Variants in METTL15 observed in about 807,000 individuals in gnomAD.
The protein encoded by METTL15 is 12S rRNA N(4)-cytidine methyltransferase METTL15.
In METTL15, 34 loss-of-function variants were observed where a neutral mutation model predicts 38.3. That is an observed-to-expected ratio of 0.89 (90% CI 0.68 to 1.18). The LOEUF (loss-of-function observed/expected upper bound fraction) is 1.18. Among genes scored for constraint, METTL15 ranks in the 50% most tolerant of loss-of-function variants. The pLI, the probability that METTL15 is intolerant of heterozygous loss-of-function variation, is 0.00. For missense variants in METTL15, 438 were observed against 498.4 expected, an observed-to-expected ratio of 0.88 and a Z score of 1.15; for synonymous variants, 162 against 170.9, an observed-to-expected ratio of 0.95 and a Z score of 0.41.
chr11:28,311,161 TA>T (rs1188873872), intron 6 of METTL15, among the ~76,000 whole-genome samples: 1 of 152,266 alleles, frequency 6.6e-6, no homozygotes, highest in East Asian at 1.9e-4. Flanking sequence ...GAGCAGCAAT[TA>T]AATCATTGTT....
At chr11:28,237,272 C>G (rs1398016521) in intron 4 of METTL15, among the ~76,000 whole-genome samples, 3 of 152,134 alleles carry the variant, frequency 2.0e-5, no homozygotes, top group Non-Finnish European at 4.4e-5. Flanking sequence ...TTCACATAGT[C>G]CCATATTTCT....
At chr11:28,460,287 A>G (rs10835341) in intron 6 of METTL15, among the ~76,000 whole-genome samples, 64,291 of 151,650 alleles carry the variant, frequency 0.42, 14,995 homozygotes, top group Admixed American at 0.54. Context: ...ACCAATATCT[A>G]TTTCTACCTA....
chr11:28,131,282 A>G (rs1296964741), intron 3 of METTL15, among the ~76,000 whole-genome samples: 1 of 152,186 alleles, frequency 6.6e-6, no homozygotes, highest in East Asian at 1.9e-4. Context: ...TAAAATTGCC[A>G]TGAGGCAAGG....
chr11:28,256,438 A>G (rs554705327), intron 4 of METTL15, among the ~76,000 whole-genome samples: 16 of 152,202 alleles, frequency 1.1e-4, no homozygotes, highest in African/African-American at 3.6e-4. Flanking sequence ...TTGGTAGGTT[A>G]TATGCATCTA....
intron 5 of METTL15, among the ~76,000 whole-genome samples, 178 bp from the exon 6 acceptor site, chr11:28,296,575 T>G (rs1423570870): frequency 6.6e-6 from 1 of 152,236 alleles, no homozygotes; most frequent in Non-Finnish European, 1.5e-5. Flanking sequence ...GCCATAATGA[T>G]GGGTAGTTGA....
chr11:28,321,273 T>A (rs1849457401), intron 6 of METTL15, among the ~76,000 whole-genome samples: 1 of 152,174 alleles, frequency 6.6e-6, no homozygotes, highest in Admixed American at 6.5e-5. Flanking sequence ...TATGATTTCA[T>A]CCTAGAATGG....
intron 5 of METTL15, among the ~76,000 whole-genome samples, chr11:28,372,532 C>T (rs1850255994): frequency 6.8e-6 from 1 of 146,106 alleles, no homozygotes; most frequent in Non-Finnish European, 1.5e-5. Flanking sequence ...AAACCCTACA[C>T]AAAGTTCTTC....
At chr11:28,173,570 G>A (rs943645719) in intron 3 of METTL15, among the ~76,000 whole-genome samples, 5 of 152,140 alleles carry the variant, frequency 3.3e-5, no homozygotes, top group African/African-American at 1.2e-4. Context: ...ATTTTCTGCT[G>A]TTATTTAACA....
intron 3 of METTL15, among the ~76,000 whole-genome samples, chr11:28,162,953 G>A (rs1432301170): frequency 1.3e-5 from 2 of 152,030 alleles, no homozygotes; most frequent in African/African-American, 4.8e-5. Flanking sequence ...TATCAGATAG[G>A]TAGTATTTTG....
Position 28,222,183 on chromosome 11 carries a change from A to G in METTL15, c.407+10985A>G, listed in dbSNP as rs181018039. Among the ~76,000 whole-genome samples the G allele has an allele frequency of 6.4e-4, 97 of 152,254 alleles. 1 individual carries two copies. Among genetic ancestry groups the G allele is most frequent in the African/African-American group, 2.2e-3 (93 of 41,572 alleles). ...CTACAGAGGCAGGCAGGCCTCCTTG[A>G]GCTGCGGTGGGCTTCACCCAGTTTG... On this transcript the variant is annotated intron_variant, in intron 4 of 6. Coordinates refer to ENST00000407364, the MANE Select transcript of METTL15 (RefSeq NM_001113528.2).
At chr11:28,470,543 C>T (rs1442862788) in intron 6 of METTL15, among the ~76,000 whole-genome samples, 1 of 152,046 alleles carries the variant, frequency 6.6e-6, no homozygotes, top group Non-Finnish European at 1.5e-5. Context: ...GAGATAGAAC[C>T]TTTGTATTAT....
At chr11:28,161,107 C>CTTTTTTTTTTTTTTTTTT (rs10660185) in intron 3 of METTL15, among the ~76,000 whole-genome samples, 315 of 131,668 alleles carry the variant, frequency 2.4e-3, no homozygotes, top group Middle Eastern at 9.8e-3. Flanking sequence ...TTGCACCTTC[C>CTTTTTTTTTTTTTTTTTT]TTTTTTTTTT....
intron 3 of METTL15, among the ~76,000 whole-genome samples, chr11:28,192,550 A>G (rs1851737189): frequency 1.3e-5 from 2 of 151,858 alleles, no homozygotes; most frequent in Non-Finnish European, 2.9e-5. Context: ...ATGAATTGGG[A>G]AATATTCACT....
At chr11:28,151,410 A>G (rs1850085710) in intron 3 of METTL15, among the ~76,000 whole-genome samples, 4 of 151,928 alleles carry the variant, frequency 2.6e-5, no homozygotes. Flanking sequence ...ATCATTTTCT[A>G]GGGTAATGGT....
intron 4 of METTL15, among the ~76,000 whole-genome samples, chr11:28,279,816 T>C (rs537487004): frequency 7.2e-4 from 110 of 151,908 alleles, no homozygotes; most frequent in Non-Finnish European, 1.3e-3. Context: ...GGAGAATCGC[T>C]TGAACCCGGG....
intron 5 of METTL15, among the ~76,000 whole-genome samples, chr11:28,291,550 C>T (rs4300381): frequency 0.13 from 19,622 of 152,034 alleles, 1,554 homozygotes; most frequent in East Asian, 0.28. Context: ...TGTTGTGATA[C>T]GACCTGTTAA....
chr11:28,402,237 G>A (rs1850636896), intron 5 of METTL15, among the ~76,000 whole-genome samples: 1 of 151,832 alleles, frequency 6.6e-6, no homozygotes, highest in African/African-American at 2.4e-5. Flanking sequence ...TCCAACCTGT[G>A]GATTCTGCCT....
Position 28,446,664 on chromosome 11 carries a change from TTA to T in METTL15, c.*424+22302_*424+22303del, listed in dbSNP as rs368049764. 5.0e-3 allele frequency among the ~76,000 whole-genome samples: 762 copies of T among 152,312 alleles called. 11 individuals carry two copies. Among genetic ancestry groups the T allele is most frequent in the African/African-American group, 0.017 (721 of 41,558 alleles). On this transcript the variant is annotated intron_variant and NMD_transcript_variant, in intron 6 of 7. Transcript: ENST00000532947. ...AACTCATTTCATTTTAGCATTGGAT[TTA>T]TGTTCCATAGACCTGACTATCAAGG...
At chr11:28,112,306 C>T (rs1459538773) in intron 2 of METTL15, among the ~76,000 whole-genome samples, 1 of 152,084 alleles carries the variant, frequency 6.6e-6, no homozygotes, top group Non-Finnish European at 1.5e-5. Flanking sequence ...TCATTTTCTT[C>T]AGAAAACATT....
Sources: allele counts gnomAD v4.1 joint callset (sites outside exome capture counted in the v4.1 genomes callset), GRCh38; gene constraint gnomAD v4.1.1; transcripts MANE v1.5; gene names NCBI Gene and HGNC (gene_info 2026-07-23, HGNC 2026-07-21).